The following TTC28 variants were observed in gnomAD, a reference collection of about 807,000 sequenced individuals.
TTC28 encodes the protein tetratricopeptide repeat domain 28.
TTC28 carries 61 observed loss-of-function variants against 198.0 expected under a neutral mutation model. The ratio of observed to expected loss-of-function variants is 0.31; its 90% CI spans 0.25 to 0.38. The LOEUF is 0.38. Ranked by LOEUF, TTC28 falls within the 10% of genes least tolerant of loss-of-function variation. The probability of loss-of-function intolerance (pLI) is 1.00; values close to 1 mark genes in which losing one functional copy is unlikely to be tolerated. For synonymous variants in TTC28, 1,171 were observed against 1,297.8 expected (o/e 0.90, Z 2.10); for missense variants, 2,678 against 3,164.0 (o/e 0.85, Z 3.69).
chr22:28,657,290 C>T (rs557397728), intron 1 of TTC28, among the ~76,000 whole-genome samples: 138 of 152,286 alleles, frequency 9.1e-4, no homozygotes, highest in African/African-American at 3.2e-3. Context: ...CTAAAGTAGC[C>T]TTTGAAATGT....
intron 2 of TTC28, among the ~76,000 whole-genome samples, chr22:28,402,045 T>C (rs2046919367): frequency 6.6e-6 from 1 of 152,246 alleles, no homozygotes; most frequent in Admixed American, 6.5e-5. Flanking sequence ...ACTTCAGCAC[T>C]AATTACACTT....
chr22:28,170,149 C>T (rs1055234320), intron 5 of TTC28, among the ~76,000 whole-genome samples: 2 of 152,132 alleles, frequency 1.3e-5, no homozygotes, highest in African/African-American at 4.8e-5. Context: ...TATTACATCT[C>T]TGTTAATACC....
At chr22:28,002,384 CA>C (rs1187160158) in intron 14 of TTC28, 5 of 152,178 alleles carry the variant, frequency 3.3e-5, no homozygotes, top group African/African-American at 9.7e-5. Context: ...CACTGGGTGC[CA>C]GGGGTGGGGC....
chr22:28,015,419 TA>T (rs138678), intron 13 of TTC28, among the ~76,000 whole-genome samples: 2,630 of 109,638 alleles, frequency 0.024, 34 homozygotes, highest in South Asian at 0.037. Context: ...GAGATAGCTT[TA>T]AAAAAAAAAA....
chr22:28,424,595 TA>T (rs1490182292), intron 2 of TTC28, among the ~76,000 whole-genome samples: 1 of 152,188 alleles, frequency 6.6e-6, no homozygotes, highest in African/African-American at 2.4e-5. Context: ...CAGTACCAGG[TA>T]AAAGCATCTC....
intron 5 of TTC28, among the ~76,000 whole-genome samples, chr22:28,253,277 T>C (rs1555951346): frequency 6.6e-6 from 1 of 152,234 alleles, no homozygotes; most frequent in Non-Finnish European, 1.5e-5. Context: ...TTTGCACATA[T>C]AAAACTCAGA....
At position 28,288,170 on chromosome 22, in the gene TTC28, TCAC is replaced by T. The variant is rs1601584088; in HGVS notation, c.933+8025_933+8027del. ...CACTTTATATGAACTAATTTAATTCTCACAACAATAAGCAAAACAGATACTATT... is the reference window on the plus strand; with the variant it reads ...CACTTTATATGAACTAATTTAATTCTAACAATAAGCAAAACAGATACTATT... On this transcript the variant is annotated intron_variant, in intron 5 of 22. Coordinates refer to ENST00000397906, the MANE Select transcript of TTC28 (RefSeq NM_001145418.2). Among the ~76,000 whole-genome samples the T allele has an allele frequency of 2.0e-5, 3 of 152,304 alleles. No homozygotes were observed. In the East Asian group the frequency reaches 5.8e-4, roughly 29 times the overall value.
rs546281515 is a variant in TTC28 at position 28,635,069 on chromosome 22, C to A, written c.103-5239G>T. Among the ~76,000 whole-genome samples, 6 of 152,286 alleles carry A rather than the reference C, an allele frequency of 3.9e-5. No homozygotes were observed. The East Asian group carries it at 1.2e-3, about 30-fold the overall frequency. ...GGGCACGGTGGCTCACGCCTGTAAT[C>A]CCAACACTTTGGGAGGCTGAGGCGG... On this transcript the variant is annotated intron_variant, in intron 1 of 22. Transcript: ENST00000397906.
chr22:28,409,923 TAA>T (rs2047056626), intron 2 of TTC28, among the ~76,000 whole-genome samples: 5 of 20,326 alleles, frequency 2.5e-4, no homozygotes, highest in African/African-American at 1.1e-3. Flanking sequence ...GCCAAAGTGC[TAA>T]GTGTTTTTTT....
chr22:28,255,621 C>A (rs1366620689), intron 5 of TTC28, among the ~76,000 whole-genome samples: 2 of 149,716 alleles, frequency 1.3e-5, no homozygotes, highest in East Asian at 4.0e-4. Flanking sequence ...GCAGAGATTG[C>A]GGTGAGCTGA....
chr22:28,582,904 T>C (rs1325890834), intron 2 of TTC28, among the ~76,000 whole-genome samples: 2 of 152,188 alleles, frequency 1.3e-5, no homozygotes, highest in East Asian at 1.9e-4. Context: ...CCAGGTGATA[T>C]GTCAGTAGCC....
intron 2 of TTC28, among the ~76,000 whole-genome samples, chr22:28,376,270 T>A (rs1002815523): frequency 1.3e-5 from 2 of 152,242 alleles, no homozygotes; most frequent in Non-Finnish European, 2.9e-5. Flanking sequence ...GTGTAAGCTA[T>A]GCTCTCCTCT....
chr22:28,292,801 T>G (rs1482565527), intron 5 of TTC28, among the ~76,000 whole-genome samples: 2 of 152,186 alleles, frequency 1.3e-5, no homozygotes, highest in African/African-American at 2.4e-5. Context: ...AATATTTTCA[T>G]GTATTAAAGC....
At chr22:28,126,950 T>C (rs1942930589) in intron 6 of TTC28, among the ~76,000 whole-genome samples, 1 of 152,208 alleles carries the variant, frequency 6.6e-6, no homozygotes, top group South Asian at 2.1e-4. Context: ...CATGCTGGCC[T>C]CGAACTCCTG....
At chr22:28,349,031 C>G (rs1054592196) in intron 2 of TTC28, among the ~76,000 whole-genome samples, 24 of 152,196 alleles carry the variant, frequency 1.6e-4, no homozygotes, top group African/African-American at 5.3e-4. Flanking sequence ...ATCTGCTGCT[C>G]TGTGTCACAT....
At chr22:28,245,451 A>C (rs1930012966) in intron 5 of TTC28, among the ~76,000 whole-genome samples, 1 of 152,174 alleles carries the variant, frequency 6.6e-6, no homozygotes, top group Non-Finnish European at 1.5e-5. Flanking sequence ...TGATTTTCCC[A>C]GTTTTATAGA....
intron 2 of TTC28, among the ~76,000 whole-genome samples, chr22:28,377,133 A>G (rs1186328115): frequency 6.6e-6 from 1 of 151,698 alleles, no homozygotes; most frequent in Non-Finnish European, 1.5e-5. Flanking sequence ...GGACTAGGAC[A>G]TAATAGATTC....
intron 5 of TTC28, among the ~76,000 whole-genome samples, chr22:28,285,117 GGA>G (rs1413566812): frequency 6.6e-6 from 1 of 152,122 alleles, no homozygotes; most frequent in Non-Finnish European, 1.5e-5. Context: ...TTCAGAAAAC[GGA>G]GTGTATGTGT....
chr22:28,419,846 AG>A (rs1356189221), intron 2 of TTC28, among the ~76,000 whole-genome samples: 1 of 152,232 alleles, frequency 6.6e-6, no homozygotes, highest in African/African-American at 2.4e-5. Context: ...TTTTCCCAAC[AG>A]AGGCTCTAAA....
Sources: allele counts gnomAD v4.1 joint callset (sites outside exome capture counted in the v4.1 genomes callset), GRCh38; gene constraint gnomAD v4.1.1; transcripts MANE v1.5; gene names NCBI Gene and HGNC (gene_info 2026-07-23, HGNC 2026-07-21).